ZNF594: variants seen among roughly 807,000 people sequenced by gnomAD.
The protein encoded by ZNF594 is zinc finger protein HZF18.
For missense variants in ZNF594, 1,037 were observed against 964.6 expected (o/e 1.08, Z -0.99); for synonymous variants, 336 against 309.4 (o/e 1.09, Z -0.90).
At chr17:5,176,518 T>G (rs1387314572), downstream of ZNF594, among the ~76,000 whole-genome samples, 2 of 151,596 alleles carry the variant, frequency 1.3e-5, no homozygotes, top group Admixed American at 6.6e-5. Flanking sequence ...GCACAACTCT[T>G]TTAAGTGCCA....
intron 1 of ZNF594, among the ~76,000 whole-genome samples, chr17:5,190,605 G>C (rs1476915341): frequency 6.6e-6 from 1 of 152,140 alleles, no homozygotes; most frequent in Admixed American, 6.6e-5. Flanking sequence ...ACTCACACAT[G>C]AAACAAGGTA....
Position 5,181,814 on chromosome 17 carries a change from T to C in ZNF594, c.*19A>G, listed in dbSNP as rs2144239828. ...CCCCACATTTATTGCATACGTAAGG[T>C]TTTTCTCCACTGTGAATTCTATGAT... is the stretch of plus-strand genomic sequence containing the variant. On this transcript the variant is annotated 3_prime_UTR_variant, in exon 2 of 2. Coordinates refer to ENST00000575779, the MANE Select transcript of ZNF594 (RefSeq NM_032530.2). The C allele has an allele frequency of 6.2e-7, 1 of 1,613,852 alleles. No homozygotes were observed. The highest frequency in any genetic ancestry group is 8.5e-7 in the Non-Finnish European group (1 of 1,179,928).
chr17:5,184,235 T>C lies in ZNF594; in HGVS notation c.22A>G (p.Met8Val), dbSNP rs200457743. The C allele has an allele frequency of 1.2e-6, 2 of 1,612,776 alleles. No individual in the cohort carries two copies. The highest frequency in any genetic ancestry group is 8.5e-7 in the Non-Finnish European group (1 of 1,179,686). ...GACTTCTTTTCTTCAGAAATTTCCATCTTTGATTTCCATTCCTTCATCTTA... is the reference window on the plus strand; with the variant it reads ...GACTTCTTTTCTTCAGAAATTTCCACCTTTGATTTCCATTCCTTCATCTTA... MKEWKSK[M>V]EISEEKKSAR... Residue 8 changes from methionine to valine, a missense_variant, in exon 2 of 2, where the codon ATG becomes GTG. Met to Val is a conservative substitution (Grantham distance 21). Coordinates refer to ENST00000575779, the MANE Select transcript of ZNF594 (RefSeq NM_032530.2).
At position 5,183,227 on chromosome 17, in the gene ZNF594, A is replaced by G. The variant is rs750135440; in HGVS notation, c.1030T>C (p.Leu344=). ...TCTTCAATTTTCTCTCCAGCATGCA[A>G]TCTCTGATGTTTAAGAAAAGCTGTG... is the stretch of plus-strand genomic sequence containing the variant. ...GRTAFLKHQR[L]HAGEKIEECE... is the part of the protein sequence containing the mutation. The change falls in exon 2 of 2, where the codon TTG becomes CTG. Residue 344 remains leucine, a synonymous_variant. Coordinates refer to ENST00000575779, the MANE Select transcript of ZNF594 (RefSeq NM_032530.2). 1 of 1,613,608 alleles carries G rather than the reference A, an allele frequency of 6.2e-7. No homozygotes were observed.
downstream of ZNF594, among the ~76,000 whole-genome samples, chr17:5,179,012 G>A (rs755634474): frequency 6.6e-6 from 1 of 151,812 alleles, no homozygotes; most frequent in Non-Finnish European, 1.5e-5. Flanking sequence ...ACAAAACGTC[G>A]CTTCACTAAC....
chr17:5,191,318 G>T (rs2698811), intron 1 of ZNF594: 73,794 of 152,090 alleles, frequency 0.49, 20,472 homozygotes, highest in Non-Finnish European at 0.64. Flanking sequence ...ATTTTAGACT[G>T]AGTAGTAGAA....
chr17:5,188,431 C>T (rs1416770616), intron 1 of ZNF594, among the ~76,000 whole-genome samples: 5 of 151,996 alleles, frequency 3.3e-5, no homozygotes, highest in African/African-American at 1.2e-4. Context: ...GGCTCAATTT[C>T]CTCTGTTTGT....
intron 1 of ZNF594, among the ~76,000 whole-genome samples, chr17:5,185,084 G>A (rs950937534): frequency 2.0e-5 from 3 of 152,156 alleles, no homozygotes; most frequent in Non-Finnish European, 2.9e-5. Flanking sequence ...CTTTTGTGTG[G>A]CAATTTGATT....
At position 5,183,383 on chromosome 17, in the gene ZNF594, C is replaced by T. The variant is rs1174576807; in HGVS notation, c.874G>A (p.Glu292Lys). The T allele has an allele frequency of 2.5e-6, 4 of 1,613,586 alleles. No homozygotes were observed. The highest frequency in any genetic ancestry group is 2.7e-5 in the African/African-American group (2 of 74,918). ...LVPHQRIHTG[E>K]KPLKCNECEK... The stretch of plus-strand genomic sequence containing the variant: ...CATTCATTACATTTGAGGGGTTTCT[C>T]TCCAGTGTGAATTCTCTGATGTGGG... The change falls in exon 2 of 2, where the codon GAG becomes AAG. Residue 292 changes from glutamate (E) to lysine (K), a missense_variant. Transcript: ENST00000575779.
chr17:5,184,408 C>T (rs2144251596), intron 1 of ZNF594, 132 bp from the exon 2 acceptor site: 1 of 894,516 alleles, frequency 1.1e-6, no homozygotes, highest in Non-Finnish European at 1.6e-6. Flanking sequence ...ATGTGGCTTT[C>T]ACTAGCGACA....
intron 1 of ZNF594, among the ~76,000 whole-genome samples, chr17:5,184,737 C>T (rs973642641): frequency 6.6e-6 from 1 of 152,250 alleles, no homozygotes; most frequent in Non-Finnish European, 1.5e-5. Flanking sequence ...TAGAACAGCA[C>T]ACCGGTACCA....
downstream of ZNF594, among the ~76,000 whole-genome samples, chr17:5,176,172 G>A (rs996375398): frequency 6.6e-6 from 1 of 152,154 alleles, no homozygotes; most frequent in African/African-American, 2.4e-5. Flanking sequence ...AAGGCAGGCG[G>A]ATCACCTAAG....
chr17:5,182,459 C>T lies in ZNF594; in HGVS notation c.1798G>A (p.Glu600Lys). 1 of 1,613,858 alleles carries T rather than the reference C, an allele frequency of 6.2e-7. No individual in the cohort carries two copies. The highest frequency in any genetic ancestry group is 1.1e-5 in the South Asian group (1 of 91,076). Residue 600 changes from glutamate (E) to lysine (K), a missense_variant, in exon 2 of 2, where the codon GAA becomes AAA. Transcript: ENST00000575779. ...CTCTGATTGAAAGTTTTCCCACATT[C>T]TTTGCATTCATATGGTTTCTCTCTT... ...HTREKPYECK[E>K]CGKTFNQSSD...
chr17:5,186,874 C>T (rs566598936), intron 1 of ZNF594, among the ~76,000 whole-genome samples: 2 of 152,358 alleles, frequency 1.3e-5, no homozygotes, highest in African/African-American at 4.8e-5. Context: ...AGTTCCTCAT[C>T]TCCATCTGAG....
intron 1 of ZNF594, among the ~76,000 whole-genome samples, chr17:5,191,076 A>G (rs1485591713): frequency 6.6e-6 from 1 of 152,056 alleles, no homozygotes; most frequent in East Asian, 1.9e-4. Flanking sequence ...TCCCCTATTT[A>G]GACCACGGTA....
At chr17:5,191,353 C>T (rs775604931) in intron 1 of ZNF594, 6 of 152,222 alleles carry the variant, frequency 3.9e-5, no homozygotes, top group Non-Finnish European at 7.3e-5. Flanking sequence ...ACAGTTCATT[C>T]CTGTGGCTTA....
chr17:5,180,760 G>A lies in ZNF594; in HGVS notation c.*1073C>T, dbSNP rs1285609885. 3.2e-6 allele frequency: 1 copy of A among 314,700 alleles called. No individual in the cohort carries two copies. Among genetic ancestry groups the A allele is most frequent in the Non-Finnish European group, 6.2e-6 (1 of 162,294 alleles). 19.5% of individuals were successfully genotyped at this position (314,700 alleles called of 1,614,324 possible). A position where few individuals can be genotyped will look rare whatever the true frequency, so the allele number is the denominator to read the frequency against. On this transcript the variant is annotated 3_prime_UTR_variant, in exon 2 of 2. Coordinates refer to ENST00000575779, the MANE Select transcript of ZNF594 (RefSeq NM_032530.2). ...AGACAGAAAAAAAAAAGGTGATTATGTCCAAGAGCTTTTGGCTTTTCCACT... is the reference window on the plus strand; with the variant it reads ...AGACAGAAAAAAAAAAGGTGATTATATCCAAGAGCTTTTGGCTTTTCCACT...
intron 1 of ZNF594, among the ~76,000 whole-genome samples, chr17:5,184,649 G>A (rs1429352133): frequency 6.6e-6 from 1 of 152,136 alleles, no homozygotes; most frequent in Non-Finnish European, 1.5e-5. Context: ...AACCCACTAG[G>A]GTAAATGCCA....
chr17:5,181,429 C>G lies in ZNF594; in HGVS notation c.*404G>C, dbSNP rs1567824091. On this transcript the variant is annotated 3_prime_UTR_variant, in exon 2 of 2. Coordinates refer to ENST00000575779, the MANE Select transcript of ZNF594 (RefSeq NM_032530.2). ...TTCTCTTCTTGGTGAATTTTCTGCT[C>G]TCCCCTAAGCTCCTCATCCTTGCTG... 1.2e-6 allele frequency: 2 copies of G among 1,613,554 alleles called. No homozygotes were observed. Among genetic ancestry groups the G allele is most frequent in the East Asian group, 2.2e-5 (1 of 44,874 alleles).
Sources: gnomAD v4.1 joint callset for allele counts (sites outside exome capture counted in the v4.1 genomes callset) on GRCh38, gnomAD v4.1.1 for gene constraint, MANE v1.5 for transcripts, NCBI Gene and HGNC (gene_info 2026-07-23, HGNC 2026-07-21) for gene names.